Variants in TRPM3 observed in about 807,000 individuals in gnomAD.
TRPM3 encodes transient receptor potential cation channel subfamily M member 3.
In TRPM3, 77 loss-of-function variants were observed where a neutral mutation model predicts 181.2. The observed-to-expected ratio is 0.42, with a 90% CI of 0.35 to 0.51. TRPM3 has a LOEUF of 0.51. Ranked by LOEUF, TRPM3 falls within the 20% of genes least tolerant of loss-of-function variation. TRPM3 has a pLI of 0.01. For synonymous variants in TRPM3, 745 were observed against 796.4 expected (o/e 0.94, Z 1.09); for missense variants, 1,759 against 2,196.7 (o/e 0.80, Z 3.98).
chr9:71,273,819 C>T (rs1199735446), intron 1 of TRPM3, among the ~76,000 whole-genome samples: 1 of 152,152 alleles, frequency 6.6e-6, no homozygotes, highest in Non-Finnish European at 1.5e-5. Flanking sequence ...ATTATGAAAT[C>T]TGTTCTTTAG....
chr9:71,435,663 A>T (rs2094021403), intron 1 of TRPM3, among the ~76,000 whole-genome samples: 1 of 152,224 alleles, frequency 6.6e-6, no homozygotes, highest in Admixed American at 6.5e-5. Flanking sequence ...GCGTTAACAA[A>T]TCAAAAAGTA....
At chr9:71,098,947 ATGGTGTCATTGCCAGAC>A (rs2067801261) in intron 1 of TRPM3, among the ~76,000 whole-genome samples, 2 of 152,072 alleles carry the variant, frequency 1.3e-5, no homozygotes, top group Non-Finnish European at 2.9e-5. Flanking sequence ...AGCCATCAGT[ATGGTGTCATTGCCAGAC>A]TGGGCTACTC....
chr9:71,256,811 A>T (rs1467915653), intron 1 of TRPM3, among the ~76,000 whole-genome samples: 1 of 152,188 alleles, frequency 6.6e-6, no homozygotes, highest in African/African-American at 2.4e-5. Flanking sequence ...TATGACTTAT[A>T]GGCTGATATG....
intron 1 of TRPM3, among the ~76,000 whole-genome samples, chr9:70,871,566 G>C (rs562611169): frequency 2.2e-4 from 33 of 152,076 alleles, no homozygotes; most frequent in Admixed American, 1.3e-3. Context: ...GAAGTCCCAG[G>C]TGAGCACAGC....
chr9:70,811,847 C>T (rs1009753756), intron 6 of TRPM3, among the ~76,000 whole-genome samples: 8 of 152,140 alleles, frequency 5.3e-5, no homozygotes, highest in Non-Finnish European at 1.0e-4. Context: ...TAACATGTTA[C>T]TCAACATGCA....
intron 1 of TRPM3, among the ~76,000 whole-genome samples, chr9:71,381,733 T>C (rs2092805666): frequency 6.6e-6 from 1 of 152,236 alleles, no homozygotes; most frequent in South Asian, 2.1e-4. Flanking sequence ...TGGGAGTATG[T>C]CTATCTCAGA....
At chr9:70,829,629 A>T (rs1001469966) in intron 5 of TRPM3, among the ~76,000 whole-genome samples, 26 of 152,170 alleles carry the variant, frequency 1.7e-4, no homozygotes, top group Admixed American at 1.0e-3. Context: ...AGCATTTGTT[A>T]ATGCAGCATT....
intron 25 of TRPM3, among the ~76,000 whole-genome samples, chr9:70,546,992 A>C: frequency 6.6e-6 from 1 of 152,220 alleles, no homozygotes; most frequent in East Asian, 1.9e-4. Context: ...TAAATGGATA[A>C]TTATGGGGGC....
chr9:70,640,192 C>T (rs1270542446), intron 10 of TRPM3, among the ~76,000 whole-genome samples: 3 of 152,104 alleles, frequency 2.0e-5, no homozygotes, highest in Non-Finnish European at 4.4e-5. Flanking sequence ...CTTCCCTTTG[C>T]CCCATCAAAG....
intron 22 of TRPM3, among the ~76,000 whole-genome samples, chr9:70,565,277 C>T (rs1362284418): frequency 3.9e-5 from 6 of 152,078 alleles, no homozygotes; most frequent in Non-Finnish European, 7.4e-5. Context: ...TTCATCTTGG[C>T]AGATTTATCT....
At chr9:70,564,757 C>T (rs757895276) in intron 22 of TRPM3, among the ~76,000 whole-genome samples, 10 of 152,088 alleles carry the variant, frequency 6.6e-5, no homozygotes, top group Admixed American at 3.9e-4. Context: ...TGGCTCTTGT[C>T]GACTCCCATT....
chr9:71,018,142 A>C (rs1206265774), intron 1 of TRPM3, among the ~76,000 whole-genome samples: 1 of 151,884 alleles, frequency 6.6e-6, no homozygotes, highest in Non-Finnish European at 1.5e-5. Context: ...TAATGAAAAT[A>C]TGACACGTTA....
chr9:70,743,769 T>C (rs918570703), intron 8 of TRPM3, among the ~76,000 whole-genome samples: 2 of 152,142 alleles, frequency 1.3e-5, no homozygotes, highest in African/African-American at 4.8e-5. Flanking sequence ...TTCCTAGAGT[T>C]AGAACTCAAA....
chr9:71,353,262 T>C (rs1414565602), intron 1 of TRPM3, among the ~76,000 whole-genome samples: 2 of 152,152 alleles, frequency 1.3e-5, no homozygotes, highest in Non-Finnish European at 2.9e-5. Flanking sequence ...TGACTCCCTA[T>C]GTTCCTCTAC....
chr9:71,237,060 A>AAAG (rs1294519191), intron 1 of TRPM3, among the ~76,000 whole-genome samples: 5 of 138,982 alleles, frequency 3.6e-5, no homozygotes, highest in African/African-American at 1.1e-4. Flanking sequence ...AAAAAAAAAA[A>AAAG]GGGGGGGGGA....
rs2041703411 is a variant in TRPM3 at position 70,536,217 on chromosome 9, C to T, written c.4896G>A (p.Glu1632=). ...CAGTGATGTTGTTGGACAGGGTTCT[C>T]TCTGAGTTATCACCCTCCTGGGAGG... The part of the protein sequence containing the change: ...AISSQEGDNS[E]RTLSNNITVP... The change falls in exon 26 of 26, where the codon GAG becomes GAA. Residue 1632 remains glutamate, a synonymous_variant. Coordinates refer to ENST00000677713, the MANE Select transcript of TRPM3 (RefSeq NM_001366145.2). 2 of 1,614,152 alleles carry T rather than the reference C, an allele frequency of 1.2e-6. No individual in the cohort carries two copies. The highest frequency in any genetic ancestry group is 1.7e-6 in the Non-Finnish European group (2 of 1,179,962).
At chr9:70,907,954 A>G (rs1177460457) in intron 1 of TRPM3, among the ~76,000 whole-genome samples, 1 of 152,136 alleles carries the variant, frequency 6.6e-6, no homozygotes, top group Non-Finnish European at 1.5e-5. Context: ...CCAATCCACA[A>G]CTGATGGGTA....
At chr9:71,163,231 G>T (rs990411239) in intron 1 of TRPM3, among the ~76,000 whole-genome samples, 4 of 152,094 alleles carry the variant, frequency 2.6e-5, no homozygotes, top group Admixed American at 2.6e-4. Context: ...AGATTGCAAA[G>T]AACATAATCA....
At chr9:70,964,887 C>T (rs1445326094) in intron 1 of TRPM3, among the ~76,000 whole-genome samples, 1 of 152,022 alleles carries the variant, frequency 6.6e-6, no homozygotes, top group Non-Finnish European at 1.5e-5. Context: ...GTCTGTATTT[C>T]TCTGCCTCAT....
Sources: gnomAD v4.1 joint callset for allele counts (sites outside exome capture counted in the v4.1 genomes callset) on GRCh38, gnomAD v4.1.1 for gene constraint, MANE v1.5 for transcripts, NCBI Gene and HGNC (gene_info 2026-07-23, HGNC 2026-07-21) for gene names.